Variants in KCNN2 observed in about 807,000 individuals in gnomAD.
KCNN2 encodes small conductance calcium-activated potassium channel protein 2.
A neutral mutation model predicts 55.5 loss-of-function variants in KCNN2; 24 were observed. That is an observed-to-expected ratio of 0.43 (90% CI 0.31 to 0.61). The LOEUF (loss-of-function observed/expected upper bound fraction) is 0.61, where lower values mean the gene tolerates loss of function less well. Among genes scored for constraint, KCNN2 ranks in the 20% least tolerant of loss-of-function variants. The probability of loss-of-function intolerance (pLI) is 0.08; values close to 1 mark genes in which losing one functional copy is unlikely to be tolerated. For missense variants in KCNN2, 754 were observed against 853.6 expected (o/e 0.88, Z 1.45); for synonymous variants, 431 against 336.1 (o/e 1.28, Z -3.09).
intron 1 of KCNN2, among the ~76,000 whole-genome samples, chr5:114,070,964 AG>A (rs1436933651): frequency 2.6e-5 from 4 of 152,250 alleles, no homozygotes; most frequent in African/African-American, 9.6e-5. Context: ...TTACCTGAAT[AG>A]TATTCTTTAA....
At chr5:114,366,207 G>A (rs1170903498) in intron 2 of KCNN2, among the ~76,000 whole-genome samples, 1 of 152,176 alleles carries the variant, frequency 6.6e-6, no homozygotes, top group South Asian at 2.1e-4. Context: ...ATTAGGGTAT[G>A]TATTGCATGG....
intron 3 of KCNN2, among the ~76,000 whole-genome samples, chr5:114,436,146 C>T (rs919356043): frequency 3.9e-5 from 6 of 152,212 alleles, no homozygotes; most frequent in Non-Finnish European, 8.8e-5. Flanking sequence ...CCCTGTAGGT[C>T]ATCATCACCC....
intron 3 of KCNN2, among the ~76,000 whole-genome samples, chr5:114,460,673 C>T (rs1408771734): frequency 1.3e-5 from 2 of 152,192 alleles, no homozygotes; most frequent in Non-Finnish European, 2.9e-5. Flanking sequence ...GGACACTTTG[C>T]TGATATAGAG....
chr5:114,487,460 C>G (rs1195782961), intron 6 of KCNN2, among the ~76,000 whole-genome samples: 4 of 151,902 alleles, frequency 2.6e-5, no homozygotes, highest in Non-Finnish European at 5.9e-5. Flanking sequence ...TTAATTTGAC[C>G]TATTTATTCA....
intron 2 of KCNN2, among the ~76,000 whole-genome samples, chr5:114,228,939 T>C (rs1754300232): frequency 6.6e-6 from 1 of 152,084 alleles, no homozygotes; most frequent in Admixed American, 6.5e-5. Flanking sequence ...TATTATCTAA[T>C]GATTCTACTA....
At chr5:114,144,742 A>G (rs1290592978) in intron 1 of KCNN2, among the ~76,000 whole-genome samples, 1 of 149,544 alleles carries the variant, frequency 6.7e-6, no homozygotes, top group Non-Finnish European at 1.5e-5. Context: ...CACAACTTTT[A>G]AGTAGTATAG....
At chr5:114,288,480 A>G (rs769288177) in intron 2 of KCNN2, among the ~76,000 whole-genome samples, 4 of 135,614 alleles carry the variant, frequency 2.9e-5, no homozygotes, top group African/African-American at 8.8e-5. Context: ...CATCTTTGCC[A>G]TTACTTTATA....
At chr5:114,383,030 A>G (rs768688184) in intron 2 of KCNN2, among the ~76,000 whole-genome samples, 4 of 152,208 alleles carry the variant, frequency 2.6e-5, no homozygotes, top group Non-Finnish European at 5.9e-5. Context: ...AAATCAATCA[A>G]TCTAAAGCCT....
chr5:114,274,742 C>G (rs1048667285), intron 2 of KCNN2, among the ~76,000 whole-genome samples: 1 of 152,098 alleles, frequency 6.6e-6, no homozygotes, highest in Admixed American at 6.6e-5. Flanking sequence ...TGGGATGAGA[C>G]GATGGAGTTT....
At chr5:114,481,271 C>A (rs1236522082) in intron 5 of KCNN2, among the ~76,000 whole-genome samples, 2 of 152,076 alleles carry the variant, frequency 1.3e-5, no homozygotes, top group African/African-American at 4.8e-5. Context: ...GAATAAAATA[C>A]TTAGGAATAC....
intron 6 of KCNN2, among the ~76,000 whole-genome samples, chr5:114,492,764 A>C (rs748158320): frequency 4.6e-5 from 7 of 152,186 alleles, no homozygotes; most frequent in Non-Finnish European, 8.8e-5. Flanking sequence ...AATTTTTCCT[A>C]GGAAATGGTC....
intron 1 of KCNN2, among the ~76,000 whole-genome samples, chr5:114,146,531 A>G (rs1752400885): frequency 1.3e-5 from 2 of 152,188 alleles, no homozygotes; most frequent in South Asian, 4.1e-4. Flanking sequence ...CCGGTTTGAC[A>G]GGTATCCCAG....
At chr5:114,086,850 A>G (rs1751027413) in intron 1 of KCNN2, among the ~76,000 whole-genome samples, 1 of 152,186 alleles carries the variant, frequency 6.6e-6, no homozygotes, top group Admixed American at 6.6e-5. Context: ...TCTTTGAGAA[A>G]TCTCCATACT....
intron 3 of KCNN2, among the ~76,000 whole-genome samples, chr5:114,457,520 G>A (rs1760985321): frequency 6.6e-6 from 1 of 152,076 alleles, no homozygotes; most frequent in South Asian, 2.1e-4. Flanking sequence ...TACACACTTA[G>A]GCATACTATA....
At chr5:114,389,669 G>C (rs1468483127) in intron 2 of KCNN2, among the ~76,000 whole-genome samples, 3 of 152,052 alleles carry the variant, frequency 2.0e-5, no homozygotes, top group Non-Finnish European at 4.4e-5. Context: ...AGTTAAAAAA[G>C]TTTTCAGAAT....
chr5:114,362,457 GC>G lies in KCNN2; in HGVS notation c.319del (p.Leu107CysfsTer21). ...CCTTCCGGACCCGCACCTCCTCGCC[GC>G]TGTCGGGCTCGTCCTGCTGCTGCTG... is the stretch of plus-strand genomic sequence containing the variant. ...GAFRTRTSSPLSGSSCCCCCC... is the reference protein window; with the variant it reads ...GAFRTRTSSPXSGSSCCCCCC... On this transcript the variant is annotated frameshift_variant, in exon 1 of 8. Coordinates refer to ENST00000673685, the MANE Select transcript of KCNN2 (RefSeq NM_021614.4). LOFTEE classifies it high-confidence loss of function. 1 of 399,286 alleles carries G rather than the reference GC, an allele frequency of 2.5e-6. No homozygotes were observed. Among genetic ancestry groups the G allele is most frequent in the Non-Finnish European group, 4.4e-6 (1 of 225,232 alleles). 24.7% of individuals were successfully genotyped at this position (399,286 alleles called of 1,614,324 possible). A position where few individuals can be genotyped will look rare whatever the true frequency, so the allele number is the denominator to read the frequency against.
At chr5:114,271,979 G>T (rs959773364) in intron 2 of KCNN2, among the ~76,000 whole-genome samples, 4 of 152,098 alleles carry the variant, frequency 2.6e-5, no homozygotes, top group Non-Finnish European at 5.9e-5. Flanking sequence ...TGCAGTATCT[G>T]GCATTTAATA....
intron 2 of KCNN2, among the ~76,000 whole-genome samples, chr5:114,291,783 T>C (rs939671587): frequency 2.2e-4 from 33 of 152,340 alleles, no homozygotes; most frequent in African/African-American, 7.5e-4. Context: ...TCCATAATGG[T>C]TGAACTAGTT....
chr5:114,068,503 A>G (rs1214169408), intron 1 of KCNN2, among the ~76,000 whole-genome samples: 2 of 152,302 alleles, frequency 1.3e-5, no homozygotes, highest in Admixed American at 6.5e-5. Flanking sequence ...CCCAAGTGAC[A>G]GTTTATACTG....
Sources: gnomAD v4.1 joint callset for allele counts (sites outside exome capture counted in the v4.1 genomes callset) on GRCh38, gnomAD v4.1.1 for gene constraint, MANE v1.5 for transcripts, NCBI Gene and HGNC (gene_info 2026-07-23, HGNC 2026-07-21) for gene names.